Variants in DPF3 observed in about 807,000 individuals in gnomAD.
DPF3 encodes zinc finger protein DPF3.
A neutral mutation model predicts 56.8 loss-of-function variants in DPF3; 18 were observed. The observed-to-expected ratio is 0.32, with a 90% CI of 0.22 to 0.47. The LOEUF (loss-of-function observed/expected upper bound fraction) is 0.47. Among genes scored for constraint, DPF3 ranks in the 20% least tolerant of loss-of-function variants. The pLI is 1.00. For synonymous variants in DPF3, 188 were observed against 180.2 expected (o/e 1.04, Z -0.35); for missense variants, 403 against 488.8 (o/e 0.82, Z 1.65).
chr14:72,685,830 G>A (rs140600363), intron 7 of DPF3, among the ~76,000 whole-genome samples: 5 of 152,316 alleles, frequency 3.3e-5, no homozygotes, highest in African/African-American at 9.6e-5. Flanking sequence ...CCCAAAATGC[G>A]AGAGAAATAA....
intron 2 of DPF3, among the ~76,000 whole-genome samples, chr14:72,771,506 C>T (rs1003341168): frequency 3.3e-5 from 5 of 151,862 alleles, no homozygotes; most frequent in Non-Finnish European, 5.9e-5. Context: ...CACCCCACCC[C>T]TGCCACATGG....
intron 1 of DPF3, among the ~76,000 whole-genome samples, chr14:72,863,340 AGGAGTTGCAGGT>A (rs1475498506): frequency 6.6e-6 from 1 of 151,796 alleles, no homozygotes; most frequent in Non-Finnish European, 1.5e-5. Flanking sequence ...TGGACTCAGG[AGGAGTTGCAGGT>A]GCCACCGACC....
chr14:72,695,214 T>C (rs1887852862), intron 6 of DPF3, among the ~76,000 whole-genome samples: 1 of 152,210 alleles, frequency 6.6e-6, no homozygotes, highest in Non-Finnish European at 1.5e-5. Context: ...TAACAGTACT[T>C]ATCTTGCAGG....
rs113010845 is a variant in DPF3 at position 72,668,586 on chromosome 14, C to T, written c.871+5654G>A. On this transcript the variant is annotated intron_variant, in intron 8 of 10. Transcript: ENST00000556509. ...AGATAAACATTCTCCTGGGAGTTTG[C>T]CTTGTTAGTTCTAAATGGTTAGTTT... Among the ~76,000 whole-genome samples the T allele has an allele frequency of 2.0e-3, 308 of 152,158 alleles. 3 individuals carry two copies. The highest frequency in any genetic ancestry group is 7.3e-3 in the African/African-American group (301 of 41,512).
intron 7 of DPF3, among the ~76,000 whole-genome samples, chr14:72,686,155 G>A (rs893053479): frequency 9.2e-5 from 14 of 152,350 alleles, no homozygotes; most frequent in East Asian, 3.9e-4. Flanking sequence ...GGATATGCCA[G>A]GGCCAGGTCA....
At chr14:72,861,022 A>C (rs1885376895) in intron 1 of DPF3, among the ~76,000 whole-genome samples, 1 of 139,652 alleles carries the variant, frequency 7.2e-6, no homozygotes, top group Non-Finnish European at 1.5e-5. Flanking sequence ...ATCTGTTCTC[A>C]CTATACACAC....
chr14:72,630,350 G>A (rs2526925), intron 8 of DPF3, among the ~76,000 whole-genome samples: 153 of 152,150 alleles, frequency 1.0e-3, no homozygotes, highest in Non-Finnish European at 1.1e-3. Context: ...TGGCCTGGCA[G>A]GGATGGCAAA....
At chr14:72,863,678 C>T (rs1376882320) in intron 1 of DPF3, among the ~76,000 whole-genome samples, 2 of 151,930 alleles carry the variant, frequency 1.3e-5, no homozygotes, top group Non-Finnish European at 2.9e-5. Flanking sequence ...TTTGAATGTG[C>T]ATTGAGCCAC....
intron 1 of DPF3, among the ~76,000 whole-genome samples, chr14:72,785,820 C>A (rs1300170717): frequency 6.6e-6 from 1 of 152,142 alleles, no homozygotes; most frequent in Non-Finnish European, 1.5e-5. Context: ...GAGCAAGGGG[C>A]GATGGACTTG....
chr14:72,620,004 G>C lies in DPF3; in HGVS notation c.985-20C>G, dbSNP rs1220455775. ...CTGGTCCTGGTGGAACACAGAGTAA[G>C]CACAGAGGAGGAGAGATTCCATTAT... On this transcript the variant is annotated intron_variant, in intron 9 of 10. Transcript: ENST00000556509. The C allele has an allele frequency of 6.6e-7, 1 of 1,526,208 alleles. No homozygotes were observed. The highest frequency in any genetic ancestry group is 1.4e-5 in the African/African-American group (1 of 72,734). 94.5% of individuals were successfully genotyped at this position (1,526,208 alleles called of 1,614,324 possible). A position where few individuals can be genotyped will look rare whatever the true frequency, so the allele number is the denominator to read the frequency against.
At chr14:72,664,667 C>G (rs1425404355) in intron 8 of DPF3, among the ~76,000 whole-genome samples, 1 of 151,888 alleles carries the variant, frequency 6.6e-6, no homozygotes, top group Non-Finnish European at 1.5e-5. Context: ...GATGCTGTGT[C>G]CAGAGACTTC....
In DPF3 at chr14:72,780,977, G is replaced by C. The variant is rs78329701; in HGVS notation, c.33-9084C>G. 4.0e-4 allele frequency among the ~76,000 whole-genome samples: 61 copies of C among 152,300 alleles called. 1 individual carries two copies. In the East Asian group the frequency reaches 0.012, roughly 29 times the overall value. On this transcript the variant is annotated intron_variant, in intron 1 of 10. Coordinates refer to ENST00000556509, the MANE Select transcript of DPF3 (RefSeq NM_001280542.3). ...GGGAAGCTGTGCAATTCTGATTCTA[G>C]AGGCTTGGGATGTGATCCAGACATC...
chr14:72,822,160 C>A (rs547646465), intron 1 of DPF3, among the ~76,000 whole-genome samples: 7 of 152,068 alleles, frequency 4.6e-5, no homozygotes, highest in African/African-American at 1.7e-4. Flanking sequence ...GGTGGATCAC[C>A]TGAGATCAGG....
chr14:72,661,881 A>G (rs1162766638), intron 8 of DPF3: 1 of 913,814 alleles, frequency 1.1e-6, no homozygotes, highest in Non-Finnish European at 1.3e-6. Context: ...TTTTTGCTGC[A>G]TTATTTTAAA....
At chr14:72,844,588 T>C (rs766293146) in intron 1 of DPF3, among the ~76,000 whole-genome samples, 16 of 152,002 alleles carry the variant, frequency 1.1e-4, no homozygotes, top group Non-Finnish European at 2.4e-4. Context: ...ACATTATAGA[T>C]CCTCACACAA....
intron 3 of DPF3, among the ~76,000 whole-genome samples, chr14:72,736,929 G>A (rs1410370747): frequency 6.6e-6 from 1 of 151,154 alleles, no homozygotes; most frequent in African/African-American, 2.4e-5. Flanking sequence ...TAAACCCATG[G>A]ATCGTTACTC....
In DPF3 at chr14:72,718,858, G is replaced by A. The variant is rs1037475070; in HGVS notation, c.526-4357C>T. On this transcript the variant is annotated intron_variant, in intron 5 of 10. Transcript: ENST00000556509. The stretch of plus-strand genomic sequence containing the variant: ...TCGGCTCACTGCAACCTCCGCCTCC[G>A]CCTCCCGGGTTCAAGTGATTCTCCG... 3.8e-4 allele frequency among the ~76,000 whole-genome samples: 51 copies of A among 132,752 alleles called. 1 individual carries two copies. Among genetic ancestry groups the A allele is most frequent in the East Asian group, 4.9e-4 (2 of 4,096 alleles). 87.1% of individuals were successfully genotyped at this position (132,752 alleles called of 152,430 possible). A position where few individuals can be genotyped will look rare whatever the true frequency, so the allele number is the denominator to read the frequency against.
At chr14:72,818,022 G>A (rs911173838) in intron 1 of DPF3, among the ~76,000 whole-genome samples, 2 of 152,164 alleles carry the variant, frequency 1.3e-5, no homozygotes, top group Admixed American at 6.5e-5. Flanking sequence ...AAGGTGGGCA[G>A]ATCACTTGAG....
chr14:72,730,164 G>A (rs562381759), intron 4 of DPF3, among the ~76,000 whole-genome samples: 6 of 152,174 alleles, frequency 3.9e-5, no homozygotes, highest in African/African-American at 1.2e-4. Context: ...CAAAAGATGA[G>A]AGCAGCTTGG....
Sources: allele counts gnomAD v4.1 joint callset (sites outside exome capture counted in the v4.1 genomes callset), GRCh38; gene constraint gnomAD v4.1.1; transcripts MANE v1.5; gene names NCBI Gene and HGNC (gene_info 2026-07-23, HGNC 2026-07-21).